Variants in SCARA5 observed in about 807,000 individuals in gnomAD.
SCARA5 encodes the protein scavenger receptor class A member 5, also known as scavenger receptor class A, member 5 (putative).
Under a neutral mutation model 46.3 loss-of-function variants are expected in SCARA5, and 45 were observed. The ratio of observed to expected loss-of-function variants is 0.97; its 90% CI spans 0.76 to 1.24. The LOEUF (loss-of-function observed/expected upper bound fraction) is 1.24. SCARA5 is among the 50% of genes most tolerant of loss of function. SCARA5 has a pLI of 0.00. For synonymous variants in SCARA5, 333 were observed against 306.5 expected, an observed-to-expected ratio of 1.09 and a Z score of -0.90; for missense variants, 680 against 689.0, an observed-to-expected ratio of 0.99 and a Z score of 0.15.
intron 3 of SCARA5, 148 bp from the exon 4 acceptor site, chr8:27,922,393 A>T (rs1585491856): frequency 1.8e-6 from 1 of 559,520 alleles, no homozygotes; most frequent in East Asian, 3.3e-5. Context: ...TGAGCGCTTT[A>T]CTAGATCCCA....
intron 5 of SCARA5, 114 bp downstream of exon 5, chr8:27,909,549 G>A (rs17058204): frequency 0.12 from 81,218 of 673,886 alleles, 5,957 homozygotes; most frequent in East Asian, 0.29. Context: ...CGTTTGAGGC[G>A]GAGTTGATTG....
chr8:27,939,305 A>G (rs992332591), intron 3 of SCARA5, among the ~76,000 whole-genome samples: 4 of 152,174 alleles, frequency 2.6e-5, no homozygotes, highest in African/African-American at 9.7e-5. Context: ...ATTAACTTGC[A>G]GGCTCTAAAG....
intron 4 of SCARA5, among the ~76,000 whole-genome samples, chr8:27,920,002 G>A (rs1488335708): frequency 1.3e-5 from 2 of 151,466 alleles, no homozygotes; most frequent in Non-Finnish European, 2.9e-5. Context: ...GGATGACGTG[G>A]GAGAAGTGCA....
At position 27,962,831 on chromosome 8, in the gene SCARA5, T is replaced by A. The variant is rs1038346825; in HGVS notation, c.241+3583A>T. Among the ~76,000 whole-genome samples the A allele has an allele frequency of 9.2e-5, 14 of 152,326 alleles. No individual in the cohort carries two copies. In the East Asian group the frequency reaches 2.5e-3, roughly 27 times the overall value. ...AACCCTCCTGTGCAGGGCCTACATC[T>A]CATGACGTTTTATTCCTAGGGCTTG... On this transcript the variant is annotated intron_variant, in intron 3 of 8. Coordinates refer to ENST00000354914, the MANE Select transcript of SCARA5 (RefSeq NM_173833.6).
chr8:27,877,332 A>G (rs1806741601), intron 8 of SCARA5, among the ~76,000 whole-genome samples: 1 of 152,190 alleles, frequency 6.6e-6, no homozygotes, highest in Non-Finnish European at 1.5e-5. Flanking sequence ...GCATTCGTGA[A>G]AGCAAGTCCA....
intron 2 of SCARA5, among the ~76,000 whole-genome samples, chr8:27,975,555 T>C (rs1413496172): frequency 1.3e-5 from 2 of 152,126 alleles, no homozygotes; most frequent in East Asian, 1.9e-4. Flanking sequence ...CAGGATTGAA[T>C]TGAACCAGAG....
At chr8:27,978,283 G>T (rs961511818) in intron 2 of SCARA5, among the ~76,000 whole-genome samples, 4 of 150,996 alleles carry the variant, frequency 2.6e-5, no homozygotes, top group African/African-American at 7.3e-5. Context: ...TGCCCACCTT[G>T]GCCTCCCAAA....
chr8:27,919,217 A>G (rs1249456360), intron 4 of SCARA5, among the ~76,000 whole-genome samples: 1 of 113,742 alleles, frequency 8.8e-6, no homozygotes, highest in Non-Finnish European at 1.7e-5. Flanking sequence ...TAGAGAAAGA[A>G]GAGAAGGAGG....
chr8:27,897,632 C>T (rs761815536), intron 7 of SCARA5, among the ~76,000 whole-genome samples: 2 of 152,238 alleles, frequency 1.3e-5, no homozygotes, highest in Admixed American at 6.5e-5. Flanking sequence ...AGGGCGGCAC[C>T]GCAGGCTCGG....
intron 3 of SCARA5, among the ~76,000 whole-genome samples, chr8:27,922,676 C>G (rs1807618147): frequency 6.6e-6 from 1 of 152,148 alleles, no homozygotes; most frequent in Non-Finnish European, 1.5e-5. Flanking sequence ...TGTAGGTCAG[C>G]TTAAGATGTT....
chr8:27,888,090 T>C (rs1175530280), intron 7 of SCARA5, among the ~76,000 whole-genome samples: 4 of 152,078 alleles, frequency 2.6e-5, no homozygotes, highest in Non-Finnish European at 4.4e-5. Flanking sequence ...AAGGTCTGGC[T>C]CTGTCACCCA....
At chr8:27,931,982 TTTTTA>T (rs941080553) in intron 3 of SCARA5, among the ~76,000 whole-genome samples, 57 of 152,068 alleles carry the variant, frequency 3.7e-4, no homozygotes, top group African/African-American at 1.3e-3. Context: ...AATTCTTTTA[TTTTTA>T]TTTTATTTTA....
At chr8:27,934,020 CATTTGGATTTATGTGAATATT>C (rs1185293275) in intron 3 of SCARA5, among the ~76,000 whole-genome samples, 1 of 152,160 alleles carries the variant, frequency 6.6e-6, no homozygotes, top group Non-Finnish European at 1.5e-5. Context: ...TTTCTCATTT[CATTTGGATTTATGTGAATATT>C]GGTTGTGTAA....
chr8:27,924,012 TTCA>T (rs943456567), intron 3 of SCARA5, among the ~76,000 whole-genome samples: 19 of 152,228 alleles, frequency 1.2e-4, no homozygotes, highest in African/African-American at 4.3e-4. Context: ...GATGTGTGTC[TTCA>T]TCGTTAGAAT....
At chr8:27,951,826 G>A (rs562672491) in intron 3 of SCARA5, among the ~76,000 whole-genome samples, 6 of 152,146 alleles carry the variant, frequency 3.9e-5, no homozygotes, top group Non-Finnish European at 5.9e-5. Flanking sequence ...GAGCGAACTC[G>A]AACACACCAG....
intron 3 of SCARA5, among the ~76,000 whole-genome samples, chr8:27,957,694 G>A (rs1563538015): frequency 2.6e-5 from 4 of 152,240 alleles, no homozygotes; most frequent in Admixed American, 2.6e-4. Flanking sequence ...GTGGGCCAGA[G>A]TAGGCAATGC....
intron 7 of SCARA5, among the ~76,000 whole-genome samples, chr8:27,899,782 G>A (rs948028682): frequency 3.9e-5 from 6 of 152,194 alleles, no homozygotes; most frequent in Non-Finnish European, 8.8e-5. Context: ...TTCAAGCATG[G>A]TTCTCTTTAC....
intron 2 of SCARA5, among the ~76,000 whole-genome samples, chr8:27,971,657 G>C (rs1280255851): frequency 6.6e-6 from 1 of 152,214 alleles, no homozygotes; most frequent in Non-Finnish European, 1.5e-5. Flanking sequence ...CTCCAGAAGT[G>C]AGGGTGGCAT....
chr8:27,901,441 G>A lies in SCARA5; in HGVS notation c.1153+3337C>T, dbSNP rs533866229. On this transcript the variant is annotated intron_variant, in intron 7 of 8. Transcript: ENST00000354914. ...TTTTTTCCCACCCCGTAGATCCTAC[G>A]GTGGGGCTTCCCAGGGCGCAGGGAA... 1.1e-4 allele frequency among the ~76,000 whole-genome samples: 17 copies of A among 152,200 alleles called. No individual in the cohort carries two copies. The South Asian group carries it at 2.3e-3, about 20-fold the overall frequency.
Sources: gnomAD v4.1 joint callset for allele counts (sites outside exome capture counted in the v4.1 genomes callset) on GRCh38, gnomAD v4.1.1 for gene constraint, MANE v1.5 for transcripts, NCBI Gene and HGNC (gene_info 2026-07-23, HGNC 2026-07-21) for gene names.